The following ATF7 variants were observed in gnomAD, a reference collection of about 807,000 sequenced individuals.
The protein encoded by ATF7 is cyclic AMP-dependent transcription factor ATF-7.
ATF7 carries 10 observed loss-of-function variants against 50.4 expected under a neutral mutation model. The observed-to-expected ratio is 0.20, with a 90% CI of 0.12 to 0.34. The LOEUF (loss-of-function observed/expected upper bound fraction) is 0.34, where lower values mean the gene tolerates loss of function less well. ATF7 is among the 10% of genes least tolerant of loss of function. The pLI, the probability that ATF7 is intolerant of heterozygous loss-of-function variation, is 1.00. For missense variants in ATF7, 465 were observed against 613.9 expected (o/e 0.76, Z 2.56); for synonymous variants, 201 against 226.4 (o/e 0.89, Z 1.01).
chr12:53,548,122 T>C (rs2137473245), intron 3 of ATF7, among the ~76,000 whole-genome samples: 1 of 151,590 alleles, frequency 6.6e-6, no homozygotes, highest in South Asian at 2.1e-4. Flanking sequence ...CTGCCTCTGC[T>C]TCCCCAAATG....
intron 2 of ATF7, among the ~76,000 whole-genome samples, chr12:53,561,329 T>TA (rs57397230): frequency 0.41 from 54,565 of 134,214 alleles, 12,105 homozygotes; most frequent in Non-Finnish European, 0.52. Flanking sequence ...ACTGTCTCTT[T>TA]AAAAAAAAAA....
At chr12:53,571,779 T>A (rs918944613) in intron 2 of ATF7, among the ~76,000 whole-genome samples, 22 of 151,650 alleles carry the variant, frequency 1.5e-4, no homozygotes, top group Admixed American at 4.0e-4. Flanking sequence ...ATAAAAAATG[T>A]GTTTTGGTTG....
rs189080847 is a variant in ATF7 at position 53,571,411 on chromosome 12, T to C, written c.49-18774A>G. ...CATAATTTAAACATAATTATCTCCA[T>C]TCTAAGAGCAGCAGAGGAGCAGGCA... On this transcript the variant is annotated intron_variant, in intron 2 of 11. Coordinates refer to ENST00000420353, the MANE Select transcript of ATF7 (RefSeq NM_006856.3). Among the ~76,000 whole-genome samples the C allele has an allele frequency of 4.2e-3, 644 of 152,194 alleles. 4 individuals carry two copies. The highest frequency in any genetic ancestry group is 0.019 in the Admixed American group (287 of 15,260).
At chr12:53,540,730 AAAT>A (rs959314577) in intron 4 of ATF7, among the ~76,000 whole-genome samples, 3 of 151,854 alleles carry the variant, frequency 2.0e-5, no homozygotes, top group African/African-American at 7.2e-5. Context: ...TGTCTCAAAA[AAAT>A]AATAATAATA....
At chr12:53,615,584 T>C (rs992004039) in intron 1 of ATF7, among the ~76,000 whole-genome samples, 1 of 151,966 alleles carries the variant, frequency 6.6e-6, no homozygotes, top group Non-Finnish European at 1.5e-5. Flanking sequence ...TTTTATAATA[T>C]AGTTAGGGGC....
chr12:53,521,943 AAAT>A (rs745421765), intron 11 of ATF7, among the ~76,000 whole-genome samples: 1 of 152,248 alleles, frequency 6.6e-6, no homozygotes, highest in Non-Finnish European at 1.5e-5. Context: ...CACATCTCTG[AAAT>A]AATACAGTGG....
intron 4 of ATF7, among the ~76,000 whole-genome samples, chr12:53,542,475 G>T (rs1157581783): frequency 6.6e-6 from 1 of 151,502 alleles, no homozygotes; most frequent in Admixed American, 6.6e-5. Context: ...CACCCAGGCT[G>T]GAGCACAGTG....
chr12:53,522,918 A>C (rs1208986176), intron 11 of ATF7, among the ~76,000 whole-genome samples: 2 of 152,234 alleles, frequency 1.3e-5, no homozygotes, highest in African/African-American at 2.4e-5. Flanking sequence ...CCACTTTCCC[A>C]GCTTGGTAAC....
rs140535282 is a variant in ATF7 at position 53,594,134 on chromosome 12, T to C, written c.48+6819A>G. The stretch of plus-strand genomic sequence containing the variant: ...GCCAGAGTGGCAAAGGAAGGATAAA[T>C]GAAAGACAGGCTCTAAGATTCAGAA... On this transcript the variant is annotated intron_variant, in intron 2 of 11. Coordinates refer to ENST00000420353, the MANE Select transcript of ATF7 (RefSeq NM_006856.3). Among the ~76,000 whole-genome samples the C allele has an allele frequency of 5.3e-5, 8 of 152,344 alleles. No individual in the cohort carries two copies. The East Asian group carries it at 1.5e-3, about 29-fold the overall frequency.
chr12:53,620,436 C>T (rs1416888920), intron 1 of ATF7, among the ~76,000 whole-genome samples: 5 of 151,034 alleles, frequency 3.3e-5, no homozygotes, highest in Non-Finnish European at 5.9e-5. Context: ...ATTAGCCGGG[C>T]GTAGTGGCGG....
chr12:53,529,444 G>A (rs1348565584), intron 9 of ATF7, among the ~76,000 whole-genome samples: 3 of 146,820 alleles, frequency 2.0e-5, no homozygotes, highest in Non-Finnish European at 4.5e-5. Flanking sequence ...CTTGTGATCC[G>A]CCCACCTCGG....
intron 2 of ATF7, 142 bp downstream of exon 2, chr12:53,600,811 G>T: frequency 2.7e-6 from 2 of 738,484 alleles, no homozygotes; most frequent in Non-Finnish European, 4.4e-6. Flanking sequence ...CTCATAACTT[G>T]GATTTACACA....
intron 2 of ATF7, among the ~76,000 whole-genome samples, chr12:53,561,718 A>G (rs1941126366): frequency 6.6e-6 from 1 of 152,232 alleles, no homozygotes; most frequent in South Asian, 2.1e-4. Flanking sequence ...GATGGGAAAT[A>G]AATAAATAAA....
At chr12:53,543,171 G>T in intron 4 of ATF7, 159 bp downstream of exon 4, 2 of 1,524,814 alleles carry the variant, frequency 1.3e-6, no homozygotes, top group Non-Finnish European at 1.8e-6. Flanking sequence ...GACCTGAATG[G>T]CTGACTGGGA....
rs147239211 is a variant in ATF7 at position 53,570,268 on chromosome 12, T to C, written c.49-17631A>G. 4.0e-3 allele frequency among the ~76,000 whole-genome samples: 607 copies of C among 152,284 alleles called. 1 individual carries two copies. The highest frequency in any genetic ancestry group is 0.021 in the South Asian group (100 of 4,822). On this transcript the variant is annotated intron_variant, in intron 2 of 11. Transcript: ENST00000420353. The stretch of plus-strand genomic sequence containing the variant: ...CAATTATATAGAACCTGCCACTCCA[T>C]TATATCATAATGTAGACAAACCAGG...
At chr12:53,534,074 G>C (rs895238751) in intron 6 of ATF7, among the ~76,000 whole-genome samples, 1 of 152,150 alleles carries the variant, frequency 6.6e-6, no homozygotes, top group Non-Finnish European at 1.5e-5. Context: ...TCAGGAGATC[G>C]AGATCGTCCT....
At chr12:53,603,359 G>C (rs1468446816) in intron 1 of ATF7, among the ~76,000 whole-genome samples, 1 of 151,406 alleles carries the variant, frequency 6.6e-6, no homozygotes, top group Non-Finnish European at 1.5e-5. Context: ...AGAAAATAGA[G>C]ATGAAAAATC....
chr12:53,605,389 C>CAAAAAAA (rs11433998), intron 1 of ATF7, among the ~76,000 whole-genome samples: 1 of 101,996 alleles, frequency 9.8e-6, no homozygotes, highest in African/African-American at 3.7e-5. Context: ...AATTCTGTCT[C>CAAAAAAA]AAAAAAAAAA....
chr12:53,538,340 G>C (rs1196856116), intron 4 of ATF7, among the ~76,000 whole-genome samples: 1 of 152,144 alleles, frequency 6.6e-6, no homozygotes, highest in Non-Finnish European at 1.5e-5. Flanking sequence ...AGATAGGAAA[G>C]GTATTTTCTG....
Sources: gnomAD v4.1 joint callset for allele counts (sites outside exome capture counted in the v4.1 genomes callset) on GRCh38, gnomAD v4.1.1 for gene constraint, MANE v1.5 for transcripts, NCBI Gene and HGNC (gene_info 2026-07-23, HGNC 2026-07-21) for gene names.